MBNL1: variants seen among roughly 807,000 people sequenced by gnomAD.
MBNL1 encodes the protein muscleblind-like protein 1.
Under a neutral mutation model 42.2 loss-of-function variants are expected in MBNL1, and 8 were observed. That is an observed-to-expected ratio of 0.19 (90% confidence interval 0.11 to 0.34). The LOEUF (loss-of-function observed/expected upper bound fraction) is 0.34, where lower values mean the gene tolerates loss of function less well. Among genes scored for constraint, MBNL1 ranks in the 10% least tolerant of loss-of-function variants. The pLI, the probability that MBNL1 is intolerant of heterozygous loss-of-function variation, is 1.00. For missense variants in MBNL1, 309 were observed against 495.3 expected, an observed-to-expected ratio of 0.62 and a Z score of 3.57; for synonymous variants, 169 against 173.9, an observed-to-expected ratio of 0.97 and a Z score of 0.22.
chr3:152,433,699 G>A (rs1401923810), intron 4 of MBNL1, among the ~76,000 whole-genome samples: 6 of 147,370 alleles, frequency 4.1e-5, no homozygotes, highest in African/African-American at 1.0e-4. Context: ...GCAGTGAGCC[G>A]AGATCGCGCC....
intron 6 of MBNL1, among the ~76,000 whole-genome samples, chr3:152,451,173 A>G (rs144136149): frequency 6.0e-4 from 91 of 152,102 alleles, no homozygotes; most frequent in African/African-American, 2.2e-3. Flanking sequence ...AGATGTGTAG[A>G]TATATTTTAT....
intron 4 of MBNL1, among the ~76,000 whole-genome samples, chr3:152,433,966 G>T (rs2099044128): frequency 6.6e-6 from 1 of 152,106 alleles, no homozygotes; most frequent in Non-Finnish European, 1.5e-5. Context: ...GTACACTGAA[G>T]GTACAAACGT....
chr3:152,409,301 G>C (rs1194805986), intron 2 of MBNL1, among the ~76,000 whole-genome samples: 1 of 152,096 alleles, frequency 6.6e-6, no homozygotes, highest in Non-Finnish European at 1.5e-5. Context: ...ATACGTGTAT[G>C]TGTTTGTGTG....
At chr3:152,444,320 G>A (rs1367312792) in intron 4 of MBNL1, among the ~76,000 whole-genome samples, 3 of 152,044 alleles carry the variant, frequency 2.0e-5, no homozygotes, top group African/African-American at 7.2e-5. Flanking sequence ...TAATGTTCTC[G>A]CCTTTTCCCT....
chr3:152,244,701 TTG>T (rs1372854310), intron 2 of MBNL1, among the ~76,000 whole-genome samples: 3 of 152,224 alleles, frequency 2.0e-5, no homozygotes, highest in African/African-American at 7.2e-5. Flanking sequence ...GTTATCTTTC[TTG>T]TGTATTTGTA....
At chr3:152,444,804 A>G (rs1026570449) in intron 4 of MBNL1, among the ~76,000 whole-genome samples, 4 of 152,198 alleles carry the variant, frequency 2.6e-5, no homozygotes, top group East Asian at 1.9e-4. Flanking sequence ...TTAGTAAAAT[A>G]TCTTTCCATT....
intron 3 of MBNL1, among the ~76,000 whole-genome samples, chr3:152,419,060 A>G (rs2098754539): frequency 6.6e-6 from 1 of 152,160 alleles, no homozygotes; most frequent in South Asian, 2.1e-4. Context: ...TAAGATGAGA[A>G]AATAAGTAGT....
intron 2 of MBNL1, among the ~76,000 whole-genome samples, chr3:152,352,644 C>T (rs1203052030): frequency 6.6e-6 from 1 of 151,876 alleles, no homozygotes; most frequent in Admixed American, 6.6e-5. Flanking sequence ...CTTTTAGACT[C>T]AATACCGGAG....
chr3:152,415,602 T>C (rs910322165), intron 3 of MBNL1, among the ~76,000 whole-genome samples: 3 of 152,244 alleles, frequency 2.0e-5, no homozygotes, highest in African/African-American at 7.2e-5. Flanking sequence ...GTTGAAATTA[T>C]TTCATAGCTA....
intron 1 of MBNL1, among the ~76,000 whole-genome samples, chr3:152,287,071 A>G (rs1254728512): frequency 3.3e-5 from 5 of 152,034 alleles, no homozygotes; most frequent in Admixed American, 6.5e-5. Context: ...TACAAAAAGT[A>G]GCCGGGTGTG....
At chr3:152,281,516 C>A (rs2048461618) in intron 1 of MBNL1, among the ~76,000 whole-genome samples, 1 of 152,012 alleles carries the variant, frequency 6.6e-6, no homozygotes, top group Non-Finnish European at 1.5e-5. Flanking sequence ...ATCAAATGGC[C>A]TAATCTGCCT....
chr3:152,364,623 T>C (rs2096243300), intron 2 of MBNL1, among the ~76,000 whole-genome samples: 1 of 151,952 alleles, frequency 6.6e-6, no homozygotes, highest in Admixed American at 6.6e-5. Context: ...TAGCTTTGAT[T>C]TGGAGGTTAA....
At chr3:152,310,744 A>G (rs535791292) in intron 2 of MBNL1, among the ~76,000 whole-genome samples, 109 of 152,200 alleles carry the variant, frequency 7.2e-4, no homozygotes, top group Middle Eastern at 3.4e-3. Flanking sequence ...CAGAGTCTGA[A>G]CCTAAAGTCC....
chr3:152,370,373 T>C (rs1455393420), intron 2 of MBNL1, among the ~76,000 whole-genome samples: 3 of 152,218 alleles, frequency 2.0e-5, no homozygotes, highest in South Asian at 2.1e-4. Flanking sequence ...GAGACTGTTA[T>C]GATTTCTGTT....
chr3:152,443,197 C>G (rs1474603889), intron 4 of MBNL1, among the ~76,000 whole-genome samples: 1 of 139,930 alleles, frequency 7.1e-6, no homozygotes, highest in Non-Finnish European at 1.5e-5. Flanking sequence ...CCCCCACACA[C>G]ACACACATGC....
chr3:152,423,963 G>A (rs1281892459), intron 3 of MBNL1, among the ~76,000 whole-genome samples: 2 of 152,148 alleles, frequency 1.3e-5, no homozygotes, highest in African/African-American at 2.4e-5. Flanking sequence ...CAAACCCATA[G>A]CCAATATCAT....
chr3:152,267,557 G>C (rs547004908), upstream of MBNL1: 3 of 152,322 alleles, frequency 2.0e-5, no homozygotes, highest in Admixed American at 2.0e-4. Flanking sequence ...CAGATAGAAA[G>C]TTCCCATCCC....
At chr3:152,402,859 A>T (rs2098284519) in intron 2 of MBNL1, among the ~76,000 whole-genome samples, 1 of 152,164 alleles carries the variant, frequency 6.6e-6, no homozygotes, top group African/African-American at 2.4e-5. Flanking sequence ...GTAAACACTT[A>T]TGGGGTTTTC....
intron 2 of MBNL1, among the ~76,000 whole-genome samples, chr3:152,257,171 A>C (rs2035565821): frequency 6.6e-6 from 1 of 152,166 alleles, no homozygotes; most frequent in Admixed American, 6.5e-5. Flanking sequence ...TGAGAGAATA[A>C]ATGCTTGAAT....
Sources: allele counts gnomAD v4.1 joint callset (sites outside exome capture counted in the v4.1 genomes callset), GRCh38; gene constraint gnomAD v4.1.1; transcripts MANE v1.5; gene names NCBI Gene and HGNC (gene_info 2026-07-23, HGNC 2026-07-21).